Variants in ANAPC1 observed in about 807,000 individuals in gnomAD.
ANAPC1 encodes the protein anaphase-promoting complex subunit 1.
In ANAPC1, 36 loss-of-function variants were observed where a neutral mutation model predicts 208.0. That is an observed-to-expected ratio of 0.17 (90% CI 0.13 to 0.23). The LOEUF (loss-of-function observed/expected upper bound fraction) is 0.23, where lower values mean the gene tolerates loss of function less well. Among genes scored for constraint, ANAPC1 ranks in the 10% least tolerant of loss-of-function variants. ANAPC1 has a pLI of 1.00. For synonymous variants in ANAPC1, 378 were observed against 695.2 expected (o/e 0.54, Z 7.18); for missense variants, 942 against 2,011.6 (o/e 0.47, Z 10.17).
chr2:111,856,032 G>A (rs1239797282), intron 13 of ANAPC1, among the ~76,000 whole-genome samples: 2 of 152,136 alleles, frequency 1.3e-5, no homozygotes, highest in East Asian at 1.9e-4. Context: ...TCAGGAGATC[G>A]AGACCACCCT....
rs1677664812 is a variant in ANAPC1, at chr2:111,788,123, G to A, written c.4799+111C>T. On this transcript the variant is annotated intron_variant, in intron 39 of 47. Transcript: ENST00000341068. ...TAGCCAGGAATATAACTAAGTTGGA[G>A]AACAAAACAATGCTAATTTGGAAAT... The A allele has an allele frequency of 2.0e-6, 3 of 1,488,786 alleles. No homozygotes were observed. The African/African-American group carries it at 4.2e-5, about 21-fold the overall frequency. 92.2% of individuals were successfully genotyped at this position (1,488,786 alleles called of 1,614,324 possible). A position where few individuals can be genotyped will look rare whatever the true frequency, so the allele number is the denominator to read the frequency against.
At chr2:111,846,548 TATATATA>T (rs1681078952) in intron 16 of ANAPC1, among the ~76,000 whole-genome samples, 7 of 61,220 alleles carry the variant, frequency 1.1e-4, no homozygotes, top group Non-Finnish European at 1.9e-4. Context: ...TATATATATA[TATATATA>T]TATATTTTTT....
In ANAPC1 at chr2:111,794,802, A is replaced by T. The variant is rs1231508632; in HGVS notation, c.4373+16T>A. The T allele has an allele frequency of 5.4e-6, 7 of 1,287,302 alleles. No individual in the cohort carries two copies. The highest frequency in any genetic ancestry group is 4.4e-5 in the Admixed American group (2 of 45,008). 79.7% of individuals were successfully genotyped at this position (1,287,302 alleles called of 1,614,324 possible). On this transcript the variant is annotated intron_variant, in intron 35 of 47. Coordinates refer to ENST00000341068, the MANE Select transcript of ANAPC1 (RefSeq NM_022662.4). ...ATAGACGCTAGGATAGCTAATTTGC[A>T]TTATACATCACTTACGACAAAGTTT...
intron 3 of ANAPC1, among the ~76,000 whole-genome samples, chr2:111,874,928 CT>C (rs1682943824): frequency 6.6e-6 from 1 of 152,240 alleles, no homozygotes; most frequent in African/African-American, 2.4e-5. Flanking sequence ...CATGACCCCC[CT>C]GCCTCAGTCT....
intron 1 of ANAPC1, among the ~76,000 whole-genome samples, chr2:111,881,569 G>A (rs1204472773): frequency 6.6e-6 from 1 of 152,124 alleles, no homozygotes; most frequent in African/African-American, 2.4e-5. Context: ...ATCTATTACA[G>A]TACAGTTTAT....
In ANAPC1 at chr2:111,858,333, A is replaced by C; in HGVS notation, c.1331T>G (p.Phe444Cys). 1 of 1,613,810 alleles carries C rather than the reference A, an allele frequency of 6.2e-7. No homozygotes were observed. The highest frequency in any genetic ancestry group is 8.5e-7 in the Non-Finnish European group (1 of 1,179,788). Reference sequence around the variant, plus strand: ...TAACTGGAGCTGGGACTCTACTAAAAAGCACAGGAACTTTTGCCCACATAG... The same window carrying C: ...TAACTGGAGCTGGGACTCTACTAAACAGCACAGGAACTTTTGCCCACATAG... ...SDLCGQKFLC[F>C]LVESQLQLRC... Residue 444 changes from phenylalanine (F) to cysteine (C), a missense_variant, in exon 11 of 48, where the codon TTT becomes TGT. Coordinates refer to ENST00000341068, the MANE Select transcript of ANAPC1 (RefSeq NM_022662.4).
rs141124163 is a variant in ANAPC1 at position 111,883,165 on chromosome 2, C to CAA, written c.-25+775_-25+776dup. 1.0e-3 allele frequency among the ~76,000 whole-genome samples: 111 copies of CAA among 108,478 alleles called. 1 individual carries two copies. The highest frequency in any genetic ancestry group is 2.0e-3 in the East Asian group (8 of 3,944). The allele number at this position is 108,478 out of a possible 152,430, so 71.2% of individuals were successfully genotyped here. A position where few individuals can be genotyped will look rare whatever the true frequency, so the allele number is the denominator to read the frequency against. On this transcript the variant is annotated intron_variant, in intron 1 of 47. Transcript: ENST00000341068. The stretch of plus-strand genomic sequence containing the variant: ...TAGGAGACAGAACAAGACTCCTTCT[C>CAA]AAAAAAAAAAAAAAAAAGAAAACCC...
intron 47 of ANAPC1, among the ~76,000 whole-genome samples, chr2:111,770,204 TATA>T: frequency 9.2e-5 from 1 of 10,868 alleles, no homozygotes; most frequent in South Asian, 2.8e-3. Context: ...TTTAATTTTA[TATA>T]TATATATATA....
intron 6 of ANAPC1, among the ~76,000 whole-genome samples, chr2:111,869,061 A>G (rs4848209): frequency 0.58 from 88,455 of 151,980 alleles, 26,657 homozygotes; most frequent in South Asian, 0.69. Context: ...CATTTATTGC[A>G]TACTTAATAC....
At chr2:111,769,496 T>G (rs1676601619) in intron 47 of ANAPC1, 90 bp from the exon 48 acceptor site, 2 of 611,772 alleles carry the variant, frequency 3.3e-6, no homozygotes, top group South Asian at 4.0e-5. Flanking sequence ...CACAATCATG[T>G]TTAAAACAGG....
chr2:111,826,099 G>A (rs750639137), intron 21 of ANAPC1, among the ~76,000 whole-genome samples: 69 of 152,076 alleles, frequency 4.5e-4, no homozygotes, highest in Middle Eastern at 3.4e-3. Flanking sequence ...TGTTGCCCAG[G>A]CTGGGCTCAA....
chr2:111,848,730 T>G, intron 14 of ANAPC1, among the ~76,000 whole-genome samples: 1 of 150,922 alleles, frequency 6.6e-6, no homozygotes, highest in Non-Finnish European at 1.5e-5. Flanking sequence ...TACGGTGAGA[T>G]TGCCCCACTG....
intron 20 of ANAPC1, among the ~76,000 whole-genome samples, chr2:111,832,341 AATCT>A (rs1355566420): frequency 6.6e-6 from 1 of 151,900 alleles, no homozygotes; most frequent in Non-Finnish European, 1.5e-5. Flanking sequence ...TCTAATCAAA[AATCT>A]TGCCCTAAAC....
At chr2:111,848,084 GCTGTAGTGAGC>G (rs1681192071) in intron 14 of ANAPC1, among the ~76,000 whole-genome samples, 1 of 151,698 alleles carries the variant, frequency 6.6e-6, no homozygotes, top group South Asian at 2.1e-4. Context: ...GGAATTTGAG[GCTGTAGTGAGC>G]CTGTGAATAG....
chr2:111,833,559 T>C (rs1323844777), intron 19 of ANAPC1, among the ~76,000 whole-genome samples: 4 of 152,000 alleles, frequency 2.6e-5, no homozygotes. Flanking sequence ...GTTCCTCCTC[T>C]GCTATTAGCT....
At chr2:111,863,617 C>A (rs528884871) in intron 9 of ANAPC1, 58 bp downstream of exon 9, 6 of 1,516,610 alleles carry the variant, frequency 4.0e-6, no homozygotes, top group Admixed American at 1.9e-5. Flanking sequence ...AACAGAAATT[C>A]TAAATCCTTC....
intron 16 of ANAPC1, among the ~76,000 whole-genome samples, chr2:111,845,032 G>A (rs559779650): frequency 1.3e-5 from 2 of 152,230 alleles, no homozygotes; most frequent in Admixed American, 6.5e-5. Flanking sequence ...TCTTTTTGTA[G>A]AGACAGAGTC....
chr2:111,813,515 T>C (rs1438765594), intron 28 of ANAPC1, among the ~76,000 whole-genome samples: 2 of 148,632 alleles, frequency 1.3e-5, no homozygotes, highest in Non-Finnish European at 3.0e-5. Flanking sequence ...TCCAAATCCA[T>C]CTCAGGGATC....
At chr2:111,855,697 C>T (rs1681673707) in intron 13 of ANAPC1, among the ~76,000 whole-genome samples, 1 of 151,930 alleles carries the variant, frequency 6.6e-6, no homozygotes, top group Non-Finnish European at 1.5e-5. Context: ...ACTGTAAAAA[C>T]TAGTAATACA....
Sources: allele counts gnomAD v4.1 joint callset (sites outside exome capture counted in the v4.1 genomes callset), GRCh38; gene constraint gnomAD v4.1.1; transcripts MANE v1.5; gene names NCBI Gene and HGNC (gene_info 2026-07-23, HGNC 2026-07-21).